Variants in NEBL observed in about 807,000 individuals in gnomAD.
The protein encoded by NEBL is LIM and SH3 protein 2.
Under a neutral mutation model 140.2 loss-of-function variants are expected in NEBL, and 122 were observed. The observed-to-expected ratio is 0.87, with a 90% CI of 0.75 to 1.01. NEBL has a LOEUF of 1.01. Among genes scored for constraint, NEBL ranks in the 50% least tolerant of loss-of-function variants. NEBL has a pLI of 0.00. For synonymous variants in NEBL, 436 were observed against 398.9 expected (o/e 1.09, Z -1.11); for missense variants, 1,365 against 1,231.3 (o/e 1.11, Z -1.62).
Position 21,173,243 on chromosome 10 carries a change from G to C in NEBL, c.69+522C>G, listed in dbSNP as rs1239193994. 1.3e-5 allele frequency among the ~76,000 whole-genome samples: 2 copies of C among 152,218 alleles called. No individual in the cohort carries two copies. Among genetic ancestry groups the C allele is most frequent in the Admixed American group, 1.3e-4 (2 of 15,282 alleles). Reference sequence around the variant, plus strand: ...TGGGTCCGGCTTGCCGCGCTGAGCCGGAGCTCTCCAGCAGGGATTATTCTT... The same window carrying C: ...TGGGTCCGGCTTGCCGCGCTGAGCCCGAGCTCTCCAGCAGGGATTATTCTT... On this transcript the variant is annotated intron_variant, in intron 1 of 6. Coordinates refer to the NEBL transcript ENST00000417816. This position sits in a 1 kb window ranked among gnomAD's most constrained non-coding sequence, Gnocchi z 5.7.
intron 2 of NEBL, among the ~76,000 whole-genome samples, chr10:21,135,331 C>T (rs1839303310): frequency 6.6e-6 from 1 of 152,186 alleles, no homozygotes; most frequent in African/African-American, 2.4e-5. Flanking sequence ...CCCTTAACTC[C>T]TTTGTGTGGT....
intron 14 of NEBL, 58 bp from the exon 15 acceptor site, chr10:20,831,641 A>C (rs933951459): frequency 5.4e-6 from 6 of 1,103,950 alleles, no homozygotes; most frequent in South Asian, 5.0e-5. Flanking sequence ...ACTGCTCAAA[A>C]ATCGAGATGT....
intron 2 of NEBL, among the ~76,000 whole-genome samples, chr10:20,891,381 G>C (rs1277006045): frequency 6.6e-6 from 1 of 152,196 alleles, no homozygotes; most frequent in Non-Finnish European, 1.5e-5. Context: ...GTTAATGGCA[G>C]TATGATAAAT....
Position 21,275,348 on chromosome 10 carries a change from C to T in NEBL, n.182+17482G>A, listed in dbSNP as rs911202701. On this transcript the variant is annotated intron_variant and non_coding_transcript_variant, in intron 1 of 8. Coordinates refer to the NEBL transcript ENST00000675702. The stretch of plus-strand genomic sequence containing the variant: ...TCTCAGGCTTGACCCCAGCAGAAAA[C>T]ATTACCAGAGCAACCTTCAATCACT... Among the ~76,000 whole-genome samples the T allele has an allele frequency of 4.6e-5, 7 of 152,286 alleles. No homozygotes were observed. The East Asian group carries it at 1.4e-3, about 29-fold the overall frequency.
At chr10:20,893,963 A>C (rs944658859) in intron 2 of NEBL, among the ~76,000 whole-genome samples, 3 of 152,356 alleles carry the variant, frequency 2.0e-5, no homozygotes, top group South Asian at 2.1e-4. Context: ...AAGTCTAAGA[A>C]ACTCTTCATA....
rs141012634 is a variant in NEBL, at chr10:21,240,285, C to G, written n.348+7636G>C. Among the ~76,000 whole-genome samples, 41 of 152,206 alleles carry G rather than the reference C, an allele frequency of 2.7e-4. No homozygotes were observed. In the East Asian group the frequency reaches 7.7e-3, roughly 29 times the overall value. ...GAAAATCCCTTTGTTAGTTTAGGAT[C>G]GTAGAGATTCGTTGCATGTAAGTAT... On this transcript the variant is annotated intron_variant and non_coding_transcript_variant, in intron 3 of 8. Transcript: ENST00000675702.
chr10:21,237,135 T>C (rs1228987940), intron 3 of NEBL, among the ~76,000 whole-genome samples: 4 of 152,198 alleles, frequency 2.6e-5, no homozygotes. Flanking sequence ...AAAAATCCAT[T>C]GTCAAAATCC....
chr10:21,192,478 C>T (rs1841588954), intron 3 of NEBL, among the ~76,000 whole-genome samples: 3 of 151,276 alleles, frequency 2.0e-5, no homozygotes, highest in Non-Finnish European at 4.4e-5. Context: ...AGGTGTGAGC[C>T]ACCGCGCCCG....
intron 4 of NEBL, among the ~76,000 whole-genome samples, chr10:20,953,029 T>C (rs1835580980): frequency 6.6e-6 from 1 of 152,074 alleles, no homozygotes; most frequent in Non-Finnish European, 1.5e-5. Flanking sequence ...CAAAGCACAT[T>C]CACAAAGTGT....
chr10:21,131,791 T>C (rs1375571729), intron 2 of NEBL, among the ~76,000 whole-genome samples: 2 of 151,970 alleles, frequency 1.3e-5, no homozygotes, highest in African/African-American at 2.4e-5. Context: ...AAGAAAAAAA[T>C]AAGAAAATGA....
At chr10:20,857,838 A>G (rs989514094) in intron 9 of NEBL, among the ~76,000 whole-genome samples, 5 of 152,162 alleles carry the variant, frequency 3.3e-5, no homozygotes, top group African/African-American at 1.2e-4. Context: ...AGTTTAGACT[A>G]AGACAATTTT....
chr10:21,151,218 C>T (rs374619670), intron 2 of NEBL, among the ~76,000 whole-genome samples: 35 of 152,264 alleles, frequency 2.3e-4, no homozygotes, highest in African/African-American at 6.5e-4. Flanking sequence ...CATATAGCAA[C>T]GCACACCATG....
chr10:20,972,346 C>T (rs61849668), intron 3 of NEBL, among the ~76,000 whole-genome samples: 25,845 of 152,146 alleles, frequency 0.17, 2,672 homozygotes, highest in South Asian at 0.3. Context: ...CAGGCAAACA[C>T]CAACTGTTTT....
intron 21 of NEBL, among the ~76,000 whole-genome samples, chr10:20,816,442 C>T (rs1264312876): frequency 1.3e-5 from 2 of 152,080 alleles, no homozygotes; most frequent in East Asian, 1.9e-4. Flanking sequence ...CAGCATGCTT[C>T]TCACTGGTCC....
intron 3 of NEBL, among the ~76,000 whole-genome samples, chr10:21,225,397 A>G (rs1014568459): frequency 2.0e-5 from 3 of 152,104 alleles, no homozygotes; most frequent in Non-Finnish European, 2.9e-5. Flanking sequence ...ACTACCGCCT[A>G]TGTTCACTCA....
At chr10:21,239,952 C>T (rs1250994226) in intron 3 of NEBL, among the ~76,000 whole-genome samples, 1 of 151,406 alleles carries the variant, frequency 6.6e-6, no homozygotes, top group Non-Finnish European at 1.5e-5. Context: ...GGAGGCAGAG[C>T]TTGCAGTGAG....
intron 4 of NEBL, among the ~76,000 whole-genome samples, chr10:20,956,924 A>G (rs1459504654): frequency 2.0e-5 from 3 of 152,230 alleles, no homozygotes; most frequent in African/African-American, 7.2e-5. Flanking sequence ...ACCCAATTAC[A>G]TAACAAATTT....
intron 4 of NEBL, among the ~76,000 whole-genome samples, chr10:20,959,682 T>A (rs1322826861): frequency 6.6e-6 from 1 of 152,102 alleles, no homozygotes; most frequent in Non-Finnish European, 1.5e-5. Context: ...GAAGTCTATA[T>A]TTTTTACAGC....
At chr10:21,018,004 T>C (rs929849689) in intron 3 of NEBL, among the ~76,000 whole-genome samples, 67 of 152,164 alleles carry the variant, frequency 4.4e-4, no homozygotes, top group Admixed American at 4.3e-3. Flanking sequence ...TATTTTTTTG[T>C]AGGGATGAGG....
Sources: gnomAD v4.1 joint callset for allele counts (sites outside exome capture counted in the v4.1 genomes callset) on GRCh38, gnomAD v4.1.1 for gene constraint, Gnocchi (gnomAD v3.1) non-coding constraint, MANE v1.5 for transcripts, NCBI Gene and HGNC (gene_info 2026-07-23, HGNC 2026-07-21) for gene names.